The following EEIG1 variants were observed in gnomAD, a reference collection of about 807,000 sequenced individuals.
EEIG1 encodes the protein early estrogen-induced gene 1 protein.
the EEIG1 span, among the ~76,000 whole-genome samples, chr9:127,958,594 G>A: frequency 6.6e-6 from 1 of 152,006 alleles, no homozygotes; most frequent in South Asian, 2.1e-4. Flanking sequence ...GAGCCTAGGA[G>A]TTTGAGGTTA....
At chr9:127,979,143 A>T in the EEIG1 span, among the ~76,000 whole-genome samples, 11 of 152,202 alleles carry the variant, frequency 7.2e-5, no homozygotes, top group Non-Finnish European at 1.6e-4. Flanking sequence ...AAGCCACAGC[A>T]TCCAGCCTGC....
the EEIG1 span, among the ~76,000 whole-genome samples, chr9:127,963,474 TA>T: frequency 6.6e-6 from 1 of 152,234 alleles, no homozygotes; most frequent in African/African-American, 2.4e-5. Context: ...GATATACAAT[TA>T]GACATGTAAA....
the EEIG1 span, among the ~76,000 whole-genome samples, chr9:127,963,250 C>T: frequency 6.6e-6 from 1 of 152,212 alleles, no homozygotes; most frequent in African/African-American, 2.4e-5. Flanking sequence ...GATCTGAACC[C>T]TCAGCCACCT....
chr9:127,956,446 C>T, the EEIG1 span, among the ~76,000 whole-genome samples: 9 of 152,284 alleles, frequency 5.9e-5, no homozygotes, highest in East Asian at 1.7e-3. Flanking sequence ...GTTTCGCTCT[C>T]GTTGCCCAGG....
At chr9:127,969,148 C>G in the EEIG1 span, among the ~76,000 whole-genome samples, 1 of 152,188 alleles carries the variant, frequency 6.6e-6, no homozygotes, top group African/African-American at 2.4e-5. Flanking sequence ...GTCAAATGCC[C>G]GTCGGCAAAG....
the EEIG1 span, among the ~76,000 whole-genome samples, chr9:127,977,381 C>T: frequency 2.0e-5 from 3 of 152,244 alleles, no homozygotes. Flanking sequence ...AATGGGGAAG[C>T]AGGTTTGGGC....
chr9:127,961,488 T>G, the EEIG1 span, among the ~76,000 whole-genome samples: 2 of 152,186 alleles, frequency 1.3e-5, no homozygotes, highest in African/African-American at 2.4e-5. Context: ...AAACCTTTTA[T>G]GAAGCCCCCA....
At chr9:127,950,964 G>T in the EEIG1 span, among the ~76,000 whole-genome samples, 1 of 152,230 alleles carries the variant, frequency 6.6e-6, no homozygotes, top group Non-Finnish European at 1.5e-5. Context: ...CACCCCCACA[G>T]GGGTTGGGAG....
the EEIG1 span, among the ~76,000 whole-genome samples, chr9:127,951,827 A>AAAAAAG: frequency 6.6e-6 from 1 of 151,054 alleles, no homozygotes; most frequent in Admixed American, 6.6e-5. Context: ...AAAAAAAAAA[A>AAAAAAG]AAAAGAAAAG....
chr9:127,958,152 G>A, the EEIG1 span, among the ~76,000 whole-genome samples: 5 of 152,206 alleles, frequency 3.3e-5, no homozygotes, highest in African/African-American at 9.7e-5. Context: ...AATGAAGTGC[G>A]TGTGTGAGGG....
At chr9:127,944,403 C>A in the EEIG1 span, 1 of 603,454 alleles carries the variant, frequency 1.7e-6, no homozygotes, top group Non-Finnish European at 3.0e-6. Flanking sequence ...CCGAACCTGT[C>A]CGTGCCCTCA....
chr9:127,951,725 G>A, the EEIG1 span, among the ~76,000 whole-genome samples: 5 of 150,392 alleles, frequency 3.3e-5, no homozygotes, highest in Non-Finnish European at 5.9e-5. Context: ...GCTGAGGCAG[G>A]AGAATGGCGT....
At chr9:127,948,294 G>C in the EEIG1 span, 1 of 1,611,268 alleles carries the variant, frequency 6.2e-7, no homozygotes, top group Non-Finnish European at 8.5e-7. Flanking sequence ...AGGACACCCA[G>C]AGTCCCTGTT....
At chr9:127,971,525 G>A in the EEIG1 span, among the ~76,000 whole-genome samples, 1 of 149,766 alleles carries the variant, frequency 6.7e-6, no homozygotes, top group African/African-American at 2.5e-5. Flanking sequence ...TGACACCTCG[G>A]GCCTGAAGAG....
At chr9:127,976,451 C>T in the EEIG1 span, among the ~76,000 whole-genome samples, 19,018 of 152,312 alleles carry the variant, frequency 0.12, 1,615 homozygotes, top group Non-Finnish European at 0.19. The surrounding 1 kb of genome is among the most constrained non-coding windows in gnomAD (Gnocchi z 4.1). Context: ...TGTTAATTTC[C>T]GAATTGCCAT....
chr9:127,964,012 G>A, the EEIG1 span, among the ~76,000 whole-genome samples: 1 of 152,172 alleles, frequency 6.6e-6, no homozygotes, highest in Non-Finnish European at 1.5e-5. Flanking sequence ...AGACCTGGGG[G>A]GAAGGAGGTC....
the EEIG1 span, among the ~76,000 whole-genome samples, chr9:127,965,491 G>A: frequency 3.3e-5 from 5 of 152,116 alleles, no homozygotes; most frequent in Non-Finnish European, 5.9e-5. Flanking sequence ...CTGTGCTCCT[G>A]GGTTCCTGAC....
the EEIG1 span, among the ~76,000 whole-genome samples, chr9:127,977,348 C>T: frequency 6.6e-6 from 1 of 152,230 alleles, no homozygotes; most frequent in Non-Finnish European, 1.5e-5. Flanking sequence ...GGACTAAGAC[C>T]TGGAACTTCC....
the EEIG1 span, among the ~76,000 whole-genome samples, chr9:127,957,615 T>A: frequency 6.6e-6 from 1 of 152,240 alleles, no homozygotes; most frequent in African/African-American, 2.4e-5. Flanking sequence ...TCCTAAACTT[T>A]ACATGGAAAT....
Sources: allele counts gnomAD v4.1 joint callset (sites outside exome capture counted in the v4.1 genomes callset), GRCh38; gene constraint gnomAD v4.1.1; non-coding constraint Gnocchi (gnomAD v3.1); transcripts MANE v1.5; gene names NCBI Gene and HGNC (gene_info 2026-07-23, HGNC 2026-07-21).